PCDHGB5: variants seen among roughly 807,000 people sequenced by gnomAD.
PCDHGB5 encodes the protein protocadherin gamma-B5.
PCDHGB5 carries 48 observed loss-of-function variants against 62.9 expected under a neutral mutation model. That is an observed-to-expected ratio of 0.76 (90% CI 0.61 to 0.97). The LOEUF is 0.97. PCDHGB5 is among the 50% of genes least tolerant of loss of function. The pLI is 0.00. For missense variants in PCDHGB5, 1,118 were observed against 1,198.6 expected (o/e 0.93, Z 0.99); for synonymous variants, 474 against 511.2 (o/e 0.93, Z 0.98).
chr5:141,486,504 A>G lies in PCDHGB5; in HGVS notation c.2398-8303A>G. ...AGTACCCACAGAACTATTTTCCTCA[A>G]TATTTCAGATGTGAATGATAATCCA... On this transcript the variant is annotated intron_variant, in intron 1 of 3. Transcript: ENST00000617380. The surrounding 1 kb of genome is among the most constrained non-coding windows in gnomAD (Gnocchi z 5.0). 7.4e-6 allele frequency: 12 copies of G among 1,614,100 alleles called. No individual in the cohort carries two copies. Among genetic ancestry groups the G allele is most frequent in the Non-Finnish European group, 1.0e-5 (12 of 1,179,986 alleles).
chr5:141,404,405 TC>T, intron 1 of PCDHGB5: 1 of 1,613,914 alleles, frequency 6.2e-7, no homozygotes, highest in South Asian at 1.1e-5. Flanking sequence ...CAATGAGAAT[TC>T]TAGAGTTATT....
At chr5:141,422,007 T>A in intron 1 of PCDHGB5, 1 of 1,609,966 alleles carries the variant, frequency 6.2e-7, no homozygotes, top group Non-Finnish European at 8.5e-7. Context: ...GCTCCGGAAC[T>A]CGGGTGCTGA....
At chr5:141,418,305 G>T in intron 1 of PCDHGB5, 1 of 1,614,026 alleles carries the variant, frequency 6.2e-7, no homozygotes, top group South Asian at 1.1e-5. Context: ...GTCAGCCTGG[G>T]GATGGGAACA....
chr5:141,456,578 C>G (rs959608396), intron 1 of PCDHGB5, among the ~76,000 whole-genome samples: 10 of 152,182 alleles, frequency 6.6e-5, no homozygotes, highest in African/African-American at 1.7e-4. Flanking sequence ...TTTCCCTGAG[C>G]CTGTCAATAA....
chr5:141,466,195 C>G (rs1269214888), intron 1 of PCDHGB5, among the ~76,000 whole-genome samples: 1 of 151,748 alleles, frequency 6.6e-6, no homozygotes, highest in Non-Finnish European at 1.5e-5. Flanking sequence ...TTTTCAGACA[C>G]AGCCTTGCTC....
rs983998465 is a variant in PCDHGB5 at position 141,494,817 on chromosome 5, C to T, written c.2408C>T (p.Pro803Leu). ...STSHPELQAP[P>L]NTDWRFSQAQ... ...CTGTTTTCTCCACAGCAAGCCCCGC[C>T]CAACACGGACTGGCGTTTCTCTCAG... The change falls in exon 2 of 4, where the codon CCC becomes CTC. Residue 803 changes from proline to leucine, a missense_variant. Around this residue, in one of 2 missense-constraint regions of PCDHGB5, gnomAD observed 1,034 missense variants for 1,029.1 expected, o/e 1.00. Transcript: ENST00000617380. 1.2e-6 allele frequency: 2 copies of T among 1,614,016 alleles called. No individual in the cohort carries two copies. Among genetic ancestry groups the T allele is most frequent in the Non-Finnish European group, 1.7e-6 (2 of 1,180,026 alleles).
intron 1 of PCDHGB5, chr5:141,421,770 G>A: frequency 6.2e-7 from 1 of 1,613,856 alleles, no homozygotes; most frequent in Non-Finnish European, 8.5e-7. Context: ...ACTTTTCCTT[G>A]CAACTGCGGG....
chr5:141,398,937 C>T lies in PCDHGB5; in HGVS notation c.810C>T (p.Asp270=), dbSNP rs2093727338. ...TVLQVSATDQ[D]EGINSEITYS... ...TGCAAGTGTCAGCCACTGACCAAGACGAGGGCATCAACTCAGAAATTACTT... is the reference window on the plus strand; with the variant it reads ...TGCAAGTGTCAGCCACTGACCAAGATGAGGGCATCAACTCAGAAATTACTT... Residue 270 remains aspartate (D), a synonymous_variant, in exon 1 of 4, where the codon GAC becomes GAT. Coordinates refer to ENST00000617380, the MANE Select transcript of PCDHGB5 (RefSeq NM_018925.3). 1.9e-6 allele frequency: 3 copies of T among 1,613,902 alleles called. No individual in the cohort carries two copies. Among genetic ancestry groups the T allele is most frequent in the Non-Finnish European group, 2.5e-6 (3 of 1,179,882 alleles).
In PCDHGB5 at chr5:141,399,027, A is replaced by G. The variant is rs1427563902; in HGVS notation, c.900A>G (p.Gln300=). The change falls in exon 1 of 4, where the codon CAA becomes CAG. Residue 300 remains glutamine (Q), a synonymous_variant. Coordinates refer to ENST00000617380, the MANE Select transcript of PCDHGB5 (RefSeq NM_018925.3). ...CAAAGAGCGGAGAAATTACCACTCA[A>G]AAGAAACTGGATTTTGAAGAGACCA... is the stretch of plus-strand genomic sequence containing the variant. ...LNSKSGEITT[Q]KKLDFEETKE... 6.2e-7 allele frequency: 1 copy of G among 1,613,788 alleles called. No individual in the cohort carries two copies. Among genetic ancestry groups the G allele is most frequent in the Non-Finnish European group, 8.5e-7 (1 of 1,179,888 alleles).
intron 1 of PCDHGB5, among the ~76,000 whole-genome samples, chr5:141,463,810 A>G (rs1469182885): frequency 6.6e-6 from 1 of 152,178 alleles, no homozygotes; most frequent in Non-Finnish European, 1.5e-5. Context: ...AAAAGCTTTT[A>G]TCACACATTT....
chr5:141,409,275 A>G (rs1266955919), intron 1 of PCDHGB5: 1 of 1,614,020 alleles, frequency 6.2e-7, no homozygotes, highest in South Asian at 1.1e-5. Flanking sequence ...CAGATTTTGG[A>G]GAATTCACCT....
chr5:141,410,023 C>T (rs1172248089), intron 1 of PCDHGB5: 1 of 1,613,310 alleles, frequency 6.2e-7, no homozygotes, highest in South Asian at 1.1e-5. Flanking sequence ...TGTCCTACCA[C>T]GTGCTGCAGG....
At chr5:141,417,798 C>T in intron 1 of PCDHGB5, 2 of 1,486,472 alleles carry the variant, frequency 1.3e-6, no homozygotes, top group Non-Finnish European at 1.8e-6. Context: ...GCTCTTTTAG[C>T]GCGGTAGAGT....
Position 141,476,757 on chromosome 5 carries a change from T to C in PCDHGB5, c.2398-18050T>C. On this transcript the variant is annotated intron_variant, in intron 1 of 3. Coordinates refer to ENST00000617380, the MANE Select transcript of PCDHGB5 (RefSeq NM_018925.3). This position sits in a 1 kb window ranked among gnomAD's most constrained non-coding sequence, Gnocchi z 7.6. ...CGGGAGCCTAGTCTCCAGTTAGTGC[T>C]GACGGCGTTGGACGGAGGGACCCCA... 1.2e-6 allele frequency: 2 copies of C among 1,613,906 alleles called. No individual in the cohort carries two copies. The highest frequency in any genetic ancestry group is 1.7e-6 in the Non-Finnish European group (2 of 1,180,004).
chr5:141,415,519 A>G, intron 1 of PCDHGB5: 1 of 1,614,182 alleles, frequency 6.2e-7, no homozygotes, highest in Non-Finnish European at 8.5e-7. Context: ...TTATGCGGAC[A>G]CGCTCATCAG....
At chr5:141,510,810 A>G (rs1455434913) in intron 3 of PCDHGB5, 137 bp from the exon 4 acceptor site, 19 of 1,519,650 alleles carry the variant, frequency 1.3e-5, no homozygotes, top group Admixed American at 2.0e-5. Flanking sequence ...TACCTTGGTG[A>G]CCCCTATATT....
chr5:141,431,511 T>G lies in PCDHGB5; in HGVS notation c.2397+30987T>G, dbSNP rs1234369765. 6.2e-7 allele frequency: 1 copy of G among 1,614,018 alleles called. No individual in the cohort carries two copies. On this transcript the variant is annotated intron_variant, in intron 1 of 3. Transcript: ENST00000617380. The surrounding 1 kb of genome is among the most constrained non-coding windows in gnomAD (Gnocchi z 4.8). ...GCTCAGCCCGAGTACCGCGCGAGCGTTCCGGAGAATCTGGCCTTGGGCACG... is the reference window on the plus strand; with the variant it reads ...GCTCAGCCCGAGTACCGCGCGAGCGGTCCGGAGAATCTGGCCTTGGGCACG...
chr5:141,510,451 G>A (rs1330148267), intron 3 of PCDHGB5, among the ~76,000 whole-genome samples: 2 of 152,096 alleles, frequency 1.3e-5, no homozygotes, highest in East Asian at 1.9e-4. Context: ...AGGAGCCCAT[G>A]GTCTAGTGTG....
chr5:141,425,528 C>CA (rs890632943), intron 1 of PCDHGB5, among the ~76,000 whole-genome samples: 1 of 152,200 alleles, frequency 6.6e-6, no homozygotes, highest in African/African-American at 2.4e-5. Context: ...AAACATGAAA[C>CA]AATAATCCTT....
Sources: gnomAD v4.1 joint callset for allele counts (sites outside exome capture counted in the v4.1 genomes callset) on GRCh38, gnomAD v4.1.1 for gene constraint, gnomAD v4.1.1 regional missense constraint, Gnocchi (gnomAD v3.1) non-coding constraint, MANE v1.5 for transcripts, NCBI Gene and HGNC (gene_info 2026-07-23, HGNC 2026-07-21) for gene names.